The following PLCG2 variants were observed in gnomAD, a reference collection of about 807,000 sequenced individuals.
PLCG2 encodes 1-phosphatidylinositol 4,5-bisphosphate phosphodiesterase gamma-2.
Under a neutral mutation model 175.6 loss-of-function variants are expected in PLCG2, and 69 were observed. The ratio of observed to expected loss-of-function variants is 0.39; its 90% CI spans 0.32 to 0.48. The LOEUF (loss-of-function observed/expected upper bound fraction) is 0.48. PLCG2 is among the 20% of genes least tolerant of loss of function. The pLI is 0.91. For synonymous variants in PLCG2, 827 were observed against 624.0 expected, an observed-to-expected ratio of 1.33 and a Z score of -4.85; for missense variants, 1,798 against 1,650.9, an observed-to-expected ratio of 1.09 and a Z score of -1.54.
Position 81,936,520 on chromosome 16 carries a change from A to G in PLCG2, c.3052+142A>G, listed in dbSNP as rs1343965015. On this transcript the variant is annotated intron_variant, in intron 27 of 32. Transcript: ENST00000564138. ...AGGGACTGCACGGTTCAGCAGAGTA[A>G]TGGTTAGTATGAGGTCCAGCAGCTG... 4.4e-6 allele frequency: 3 copies of G among 677,204 alleles called. No individual in the cohort carries two copies. The African/African-American group carries it at 5.3e-5, about 12-fold the overall frequency. The allele number at this position is 677,204 out of a possible 1,614,324, so 41.9% of individuals were successfully genotyped here.
intron 2 of PLCG2, among the ~76,000 whole-genome samples, chr16:81,833,615 C>T (rs8043706): frequency 0.12 from 18,638 of 151,448 alleles, 1,227 homozygotes; most frequent in Middle Eastern, 0.18. Flanking sequence ...CTGTACCTTC[C>T]ACCTCCTAGG....
intron 2 of PLCG2, among the ~76,000 whole-genome samples, chr16:81,851,132 C>G (rs945242892): frequency 1.3e-5 from 2 of 152,174 alleles, no homozygotes; most frequent in African/African-American, 4.8e-5. Flanking sequence ...TACCACCCCC[C>G]TAATAATAGG....
chr16:81,883,441 C>T, intron 9 of PLCG2, 100 bp downstream of exon 9: 3 of 900,058 alleles, frequency 3.3e-6, no homozygotes, highest in South Asian at 1.4e-5. Context: ...GTCACCTGTG[C>T]TCACCTGGCC....
At chr16:81,915,472 C>G (rs1248400429) in intron 19 of PLCG2, among the ~76,000 whole-genome samples, 1 of 152,218 alleles carries the variant, frequency 6.6e-6, no homozygotes, top group African/African-American at 2.4e-5. Flanking sequence ...CATCCACGCT[C>G]CAGGAGGATG....
At chr16:81,755,916 A>T (rs957583022) in exon 2 of PLCG2, 1 of 152,310 alleles carries the variant, frequency 6.6e-6, no homozygotes, top group African/African-American at 2.4e-5. Flanking sequence ...TCAGGAAAAG[A>T]ACATTCCACG....
Position 81,962,476 on chromosome 16 carries a change from C to T in PLCG2, c.*4478C>T, listed in dbSNP as rs1911813335. On this transcript the variant is annotated 3_prime_UTR_variant, in exon 33 of 33. Transcript: ENST00000564138. ...AGTGATCCTGCCTCTCAGAAATTTCCACATTTCTTATTTTTCATTAGGCCT... is the reference window on the plus strand; with the variant it reads ...AGTGATCCTGCCTCTCAGAAATTTCTACATTTCTTATTTTTCATTAGGCCT... 4.7e-6 allele frequency: 1 copy of T among 214,268 alleles called. No homozygotes were observed. Among genetic ancestry groups the T allele is most frequent in the South Asian group, 1.9e-4 (1 of 5,368 alleles). The allele number at this position is 214,268 out of a possible 1,614,324, so 13.3% of individuals were successfully genotyped here.
chr16:81,847,870 A>G (rs186983143), intron 2 of PLCG2, among the ~76,000 whole-genome samples: 83 of 152,308 alleles, frequency 5.4e-4, no homozygotes, highest in Middle Eastern at 3.4e-3. Context: ...TTGAGCATCT[A>G]TTTGGATTTT....
chr16:81,884,613 G>GTC lies in PLCG2; in HGVS notation c.765+1273_765+1274insCT, dbSNP rs1211593640. On this transcript the variant is annotated intron_variant, in intron 9 of 32. Coordinates refer to ENST00000564138, the MANE Select transcript of PLCG2 (RefSeq NM_002661.5). ...CAATTGTATGGATCTGTGTGTGTGT[G>GTC]TGTGTGTACATGTATGCATGTCTTT... Among the ~76,000 whole-genome samples, 5 of 152,078 alleles carry GTC rather than the reference G, an allele frequency of 3.3e-5. No individual in the cohort carries two copies. In the East Asian group the frequency reaches 9.7e-4, roughly 29 times the overall value.
At chr16:81,744,398 C>G (rs566409739) in intron 1 of PLCG2, among the ~76,000 whole-genome samples, 2 of 152,090 alleles carry the variant, frequency 1.3e-5, no homozygotes, top group Admixed American at 6.5e-5. Flanking sequence ...CTCCTGACCT[C>G]TTGATCTGCC....
rs772084816 is a variant in PLCG2, at chr16:81,895,907, C to A, written c.1173C>A (p.Asp391Glu). The change falls in exon 13 of 33, where the codon GAC (aspartate) becomes GAA (glutamate). Residue 391 changes from aspartate (D) to glutamate (E), a missense_variant. Coordinates refer to ENST00000564138, the MANE Select transcript of PLCG2 (RefSeq NM_002661.5). ...KFDDVVQAIK[D>E]HAFVTSSFPV... ...ACGACGTCGTGCAGGCCATCAAAGA[C>A]CACGCCTTTGTTACCTCGAGGTCAG... 1.2e-6 allele frequency: 2 copies of A among 1,614,084 alleles called. No individual in the cohort carries two copies. The highest frequency in any genetic ancestry group is 2.2e-5 in the South Asian group (2 of 91,070).
chr16:81,903,663 C>T lies in PLCG2; in HGVS notation c.1363-1740C>T, dbSNP rs376969034. ...GGCAGGATAAGGGGTGGAGGGAGCT[C>T]GGCCATGGAGGGTCCATGGCTTCTC... is the stretch of plus-strand genomic sequence containing the variant. On this transcript the variant is annotated intron_variant, in intron 14 of 32. Coordinates refer to ENST00000564138, the MANE Select transcript of PLCG2 (RefSeq NM_002661.5). 2.4e-4 allele frequency among the ~76,000 whole-genome samples: 37 copies of T among 152,244 alleles called. No homozygotes were observed. The South Asian group carries it at 5.4e-3, about 22-fold the overall frequency.
intron 1 of PLCG2, among the ~76,000 whole-genome samples, chr16:81,739,983 C>G (rs912283531): frequency 3.5e-5 from 4 of 114,824 alleles, no homozygotes; most frequent in Non-Finnish European, 8.6e-5. Flanking sequence ...ACTAAAAGTA[C>G]AAAAATTAGC....
chr16:81,908,627 C>T (rs777243978), intron 17 of PLCG2, 36 bp downstream of exon 17: 5 of 1,562,036 alleles, frequency 3.2e-6, no homozygotes, highest in African/African-American at 1.4e-5. Flanking sequence ...CTACCTTCTT[C>T]TCCATGCCAA....
At chr16:81,849,142 A>G (rs1029058370) in intron 2 of PLCG2, among the ~76,000 whole-genome samples, 6 of 152,160 alleles carry the variant, frequency 3.9e-5, no homozygotes, top group Admixed American at 1.3e-4. Context: ...TAGTCCTTAC[A>G]GCAATGGGAC....
chr16:81,900,584 C>G (rs749990075), intron 13 of PLCG2, 28 bp from the exon 14 acceptor site: 4 of 1,567,624 alleles, frequency 2.6e-6, no homozygotes, highest in South Asian at 2.3e-5. Flanking sequence ...CTCCCCCTGC[C>G]GAGCTGCCCA....
rs910765118 is a variant in PLCG2, at chr16:81,961,443, C to A, written c.*3445C>A. On this transcript the variant is annotated 3_prime_UTR_variant, in exon 33 of 33. Coordinates refer to ENST00000564138, the MANE Select transcript of PLCG2 (RefSeq NM_002661.5). Reference sequence around the variant, plus strand: ...AATTTGGGCTATGTGTTTATTGATTCAGCTCAATCCAGAGGAAAATTTTAA... The same window carrying A: ...AATTTGGGCTATGTGTTTATTGATTAAGCTCAATCCAGAGGAAAATTTTAA... The A allele has an allele frequency of 6.2e-5, 14 of 225,678 alleles. No individual in the cohort carries two copies. The highest frequency in any genetic ancestry group is 5.7e-5 in the Admixed American group (1 of 17,520). The allele number at this position is 225,678 out of a possible 1,614,324, so 14.0% of individuals were successfully genotyped here.
chr16:81,951,348 T>A (rs118118936), intron 31 of PLCG2, among the ~76,000 whole-genome samples: 4,259 of 152,308 alleles, frequency 0.028, 91 homozygotes, highest in Non-Finnish European at 0.043. Context: ...GAAAGGAGAC[T>A]GAACCCCAAA....
chr16:81,910,662 G>T lies in PLCG2; in HGVS notation c.1876G>T (p.Glu626Ter). 6.2e-7 allele frequency: 1 copy of T among 1,613,554 alleles called. No homozygotes were observed. The highest frequency in any genetic ancestry group is 8.5e-7 in the Non-Finnish European group (1 of 1,180,006). The change falls in exon 18 of 33, where the codon GAG (glutamate) becomes TAG (stop). Residue 626 changes from glutamate to a stop codon, truncating the protein, a stop_gained. Transcript: ENST00000564138. LOFTEE classifies it high-confidence loss of function. ...HYRETHLRCA[E>*]FELRLTDPVP... is the part of the protein sequence containing the mutation. ...CCGCGAGACGCACCTGCGCTGCGCC[G>T]AGTTCGAGCTGCGGCTCACGGACCC...
chr16:81,879,476 G>A (rs1426604468), intron 7 of PLCG2, among the ~76,000 whole-genome samples: 4 of 152,132 alleles, frequency 2.6e-5, no homozygotes, highest in Non-Finnish European at 5.9e-5. Flanking sequence ...TATGTCTCCA[G>A]AAGAAACACA....
Sources: gnomAD v4.1 joint callset for allele counts (sites outside exome capture counted in the v4.1 genomes callset) on GRCh38, gnomAD v4.1.1 for gene constraint, MANE v1.5 for transcripts, NCBI Gene and HGNC (gene_info 2026-07-23, HGNC 2026-07-21) for gene names.